C19orf47: variants seen among roughly 807,000 people sequenced by gnomAD.
C19orf47 encodes chromosome 19 open reading frame 47.
Under a neutral mutation model 32.3 loss-of-function variants are expected in C19orf47, and 18 were observed. The observed-to-expected ratio is 0.56, with a 90% confidence interval of 0.39 to 0.83. The LOEUF is 0.83. C19orf47 is among the 40% of genes least tolerant of loss of function. The pLI is 0.00. For missense variants in C19orf47, 484 were observed against 531.6 expected (o/e 0.91, Z 0.88); for synonymous variants, 202 against 211.1 (o/e 0.96, Z 0.37).
intron 5 of C19orf47, among the ~76,000 whole-genome samples, chr19:40,332,122 C>G (rs1486177547): frequency 6.6e-6 from 1 of 151,826 alleles, no homozygotes; most frequent in African/African-American, 2.4e-5. Context: ...CTTTGGGAGG[C>G]TGAGGCAGGT....
In C19orf47 at chr19:40,324,475, T is replaced by C. The variant is rs944602613; in HGVS notation, c.593-399A>G. 86 of 195,692 alleles carry C rather than the reference T, an allele frequency of 4.4e-4. 2 individuals carry two copies. In the Admixed American group the frequency reaches 4.6e-3, roughly 11 times the overall value. The allele number at this position is 195,692 out of a possible 1,614,324, so 12.1% of individuals were successfully genotyped here. ...CAATAGAATGGTTACTAAATTATGG[T>C]ATATGAATACTCTGGAAATAATAAA... is the stretch of plus-strand genomic sequence containing the variant. On this transcript the variant is annotated intron_variant, in intron 7 of 8. Coordinates refer to ENST00000683109, the MANE Select transcript of C19orf47 (RefSeq NM_001256441.2).
At chr19:40,343,199 C>T (rs529888486) in intron 1 of C19orf47, among the ~76,000 whole-genome samples, 3 of 152,278 alleles carry the variant, frequency 2.0e-5, no homozygotes, top group East Asian at 3.9e-4. Flanking sequence ...CTTCTATCTA[C>T]CGCAGCCCCC....
At chr19:40,331,456 C>T (rs2077951512) in intron 5 of C19orf47, among the ~76,000 whole-genome samples, 1 of 152,220 alleles carries the variant, frequency 6.6e-6, no homozygotes, top group South Asian at 2.1e-4. Context: ...GACCAGCCAA[C>T]CCACAAAATC....
At chr19:40,315,671 T>G (rs4802072), downstream of C19orf47, among the ~76,000 whole-genome samples, 59,524 of 151,310 alleles carry the variant, frequency 0.39, 13,034 homozygotes, top group South Asian at 0.61. Context: ...TCCCAGCCAC[T>G]CAGGAGGCTG....
chr19:40,295,596 C>T, the C19orf47 span, among the ~76,000 whole-genome samples: 3 of 151,724 alleles, frequency 2.0e-5, no homozygotes, highest in Admixed American at 6.6e-5. Context: ...CCACCATACC[C>T]GGATAATTTT....
chr19:40,305,817 T>C, the C19orf47 span, among the ~76,000 whole-genome samples: 65 of 152,294 alleles, frequency 4.3e-4, 1 homozygote, highest in South Asian at 0.013. Flanking sequence ...CATGTCCATG[T>C]TAAATTTCTT....
chr19:40,346,897 C>T (rs973886975), intron 1 of C19orf47, among the ~76,000 whole-genome samples: 2 of 150,188 alleles, frequency 1.3e-5, no homozygotes, highest in Non-Finnish European at 3.0e-5. Context: ...CAAAGATGCA[C>T]GGCAGGTGGT....
chr19:40,339,975 CAAAACAAAAAAAAAAA>C (rs909549469), intron 2 of C19orf47, among the ~76,000 whole-genome samples: 6 of 67,024 alleles, frequency 9.0e-5, no homozygotes, highest in Non-Finnish European at 1.2e-4. Flanking sequence ...AACTCCATCT[CAAAACAAAAAAAAAAA>C]AAAACAAAAA....
intron 1 of C19orf47, chr19:40,343,795 A>AT (rs57699777): frequency 0.097 from 13,225 of 135,924 alleles, 778 homozygotes; most frequent in Middle Eastern, 0.17. Context: ...CTTCTGCTCA[A>AT]TTTTTTTTTT....
chr19:40,333,123 T>A (rs1432291599), intron 5 of C19orf47, among the ~76,000 whole-genome samples: 1 of 151,876 alleles, frequency 6.6e-6, no homozygotes, highest in Non-Finnish European at 1.5e-5. Flanking sequence ...CCGGGTGTGG[T>A]GACAGGTGCC....
At position 40,319,746 on chromosome 19, in the gene C19orf47, C is replaced by T. The variant is rs1045862348; in HGVS notation, c.*2136G>A. The T allele has an allele frequency of 2.0e-5, 3 of 153,520 alleles. No individual in the cohort carries two copies. Among genetic ancestry groups the T allele is most frequent in the African/African-American group, 7.2e-5 (3 of 41,388 alleles). 9.5% of individuals were successfully genotyped at this position (153,520 alleles called of 1,614,324 possible). On this transcript the variant is annotated 3_prime_UTR_variant, in exon 9 of 9. Transcript: ENST00000683109. ...AGAGACGGGGTTTCACCATCTTGGC[C>T]AGGCTGGTCTCGAACTCCTGACCTT... is the stretch of plus-strand genomic sequence containing the variant.
intron 1 of C19orf47, chr19:40,342,139 G>T (rs930804768): frequency 2.4e-6 from 2 of 823,646 alleles, no homozygotes; most frequent in African/African-American, 1.9e-5. Flanking sequence ...ACCCCAAAAG[G>T]TTGGCTGGAA....
chr19:40,326,774 G>A (rs1405152047), intron 6 of C19orf47, among the ~76,000 whole-genome samples: 1 of 152,094 alleles, frequency 6.6e-6, no homozygotes, highest in African/African-American at 2.4e-5. Flanking sequence ...ACATCCCCTC[G>A]GATGGGGAAC....
chr19:40,348,355 G>A lies in C19orf47; in HGVS notation c.-65C>T. The A allele has an allele frequency of 2.2e-6, 3 of 1,344,318 alleles. No individual in the cohort carries two copies. The highest frequency in any genetic ancestry group is 3.4e-5 in the Admixed American group (1 of 29,818). The allele number at this position is 1,344,318 out of a possible 1,614,324, so 83.3% of individuals were successfully genotyped here. On this transcript the variant is annotated 5_prime_UTR_variant, in exon 1 of 9. Coordinates refer to ENST00000683109, the MANE Select transcript of C19orf47 (RefSeq NM_001256441.2). Reference sequence around the variant, plus strand: ...CACCGGGCCCGCGCCCACTCGCGCCGCCCGCCCTCCCTCCCGGCGGCGCCA... The same window carrying A: ...CACCGGGCCCGCGCCCACTCGCGCCACCCGCCCTCCCTCCCGGCGGCGCCA...
At chr19:40,311,379 C>CAA in the C19orf47 span, among the ~76,000 whole-genome samples, 26 of 139,264 alleles carry the variant, frequency 1.9e-4, no homozygotes, top group East Asian at 6.4e-4. Context: ...AACTCGGTCT[C>CAA]AAAAAAAAAA....
rs2077874096 is a variant in C19orf47, at chr19:40,328,249, G to A, written c.439+164C>T. 2.6e-5 allele frequency among the ~76,000 whole-genome samples: 4 copies of A among 152,252 alleles called. No individual in the cohort carries two copies. The South Asian group carries it at 8.3e-4, about 32-fold the overall frequency. ...GATGAAGAAAGTGAGGCCCACAGACGTATGGCACCTTGACCAAGTTTACAG... is the reference window on the plus strand; with the variant it reads ...GATGAAGAAAGTGAGGCCCACAGACATATGGCACCTTGACCAAGTTTACAG... On this transcript the variant is annotated intron_variant, in intron 6 of 8. Transcript: ENST00000683109.
chr19:40,336,072 C>A (rs1303029024), intron 4 of C19orf47, 38 bp downstream of exon 4: 4 of 1,594,822 alleles, frequency 2.5e-6, no homozygotes, highest in Admixed American at 1.7e-5. Context: ...CACCTCCATG[C>A]CAAACCCAGA....
chr19:40,316,888 A>T (rs1436813284), downstream of C19orf47, among the ~76,000 whole-genome samples: 1 of 152,198 alleles, frequency 6.6e-6, no homozygotes, highest in Non-Finnish European at 1.5e-5. Context: ...AACTGGTTAA[A>T]TAAATTAGAC....
At chr19:40,331,793 T>C (rs1355287761) in intron 5 of C19orf47, among the ~76,000 whole-genome samples, 1 of 152,114 alleles carries the variant, frequency 6.6e-6, no homozygotes, top group Non-Finnish European at 1.5e-5. Context: ...TCCCAACACT[T>C]TGGGGGGCCA....
Sources: allele counts gnomAD v4.1 joint callset (sites outside exome capture counted in the v4.1 genomes callset), GRCh38; gene constraint gnomAD v4.1.1; transcripts MANE v1.5; gene names NCBI Gene and HGNC (gene_info 2026-07-23, HGNC 2026-07-21).